TANC1: variants seen among roughly 807,000 people sequenced by gnomAD.
The protein encoded by TANC1 is protein TANC1.
In TANC1, 77 loss-of-function variants were observed where a neutral mutation model predicts 149.7. That is an observed-to-expected ratio of 0.51 (90% CI 0.43 to 0.62). TANC1 has a LOEUF of 0.62. Among genes scored for constraint, TANC1 ranks in the 20% least tolerant of loss-of-function variants. The probability of loss-of-function intolerance (pLI) is 0.00; values close to 1 mark genes in which losing one functional copy is unlikely to be tolerated. For synonymous variants in TANC1, 854 were observed against 925.0 expected (o/e 0.92, Z 1.39); for missense variants, 1,985 against 2,321.8 (o/e 0.85, Z 2.98).
In TANC1 at chr2:159,230,919, C is replaced by A. The variant is rs755779069; in HGVS notation, c.5493C>A (p.Ile1831=). Residue 1831 remains isoleucine, a synonymous_variant, in exon 27 of 27, where the codon ATC becomes ATA. Transcript: ENST00000263635. This position sits in a 1 kb window ranked among gnomAD's most constrained non-coding sequence, Gnocchi z 4.4. ...KTVSHLYQES[I]SKQQPHISNE... ...TTTCTCATCTGTACCAGGAAAGTAT[C>A]TCCAAACAGCAGCCTCATATTAGTA... is the stretch of plus-strand genomic sequence containing the variant. The A allele has an allele frequency of 5.0e-6, 8 of 1,614,194 alleles. No individual in the cohort carries two copies. Among genetic ancestry groups the A allele is most frequent in the Non-Finnish European group, 6.8e-6 (8 of 1,180,028 alleles).
chr2:159,171,090 C>G (rs1009233175), intron 10 of TANC1, among the ~76,000 whole-genome samples: 7 of 152,274 alleles, frequency 4.6e-5, no homozygotes, highest in Middle Eastern at 6.8e-3. Context: ...ATCAAGTGTC[C>G]TGGAGAATTT....
Position 159,215,952 on chromosome 2 carries a change from C to T in TANC1, c.3245-1545C>T, listed in dbSNP as rs545339645. ...TTTGGATTGTTTGCAGCCCGGGGTG[C>T]GGTGAGCATTTTTGCTTGTGTTTCT... On this transcript the variant is annotated intron_variant, in intron 19 of 26. Transcript: ENST00000263635. Among the ~76,000 whole-genome samples the T allele has an allele frequency of 1.8e-4, 28 of 152,236 alleles. 1 individual carries two copies. The highest frequency in any genetic ancestry group is 1.6e-3 in the Admixed American group (24 of 15,298).
chr2:159,126,159 A>G (rs1043064226), intron 4 of TANC1, among the ~76,000 whole-genome samples: 4 of 152,140 alleles, frequency 2.6e-5, no homozygotes, highest in Non-Finnish European at 5.9e-5. Context: ...GAGTCCCTAC[A>G]TGGTCGTACC....
intron 16 of TANC1, among the ~76,000 whole-genome samples, chr2:159,188,887 C>G (rs895402669): frequency 1.3e-5 from 2 of 152,206 alleles, no homozygotes; most frequent in Non-Finnish European, 2.9e-5. Context: ...TGATCATGGT[C>G]GGAAAATTTC....
intron 3 of TANC1, among the ~76,000 whole-genome samples, chr2:159,073,922 G>A: frequency 6.6e-6 from 1 of 152,202 alleles, no homozygotes; most frequent in Non-Finnish European, 1.5e-5. Flanking sequence ...CGTGGCTGGT[G>A]ATCCAAACTG....
intron 2 of TANC1, among the ~76,000 whole-genome samples, chr2:159,024,666 G>T (rs555783106): frequency 6.6e-6 from 1 of 151,624 alleles, no homozygotes; most frequent in African/African-American, 2.4e-5. Context: ...CAGGAGAATC[G>T]CTTGAATCCG....
intron 19 of TANC1, among the ~76,000 whole-genome samples, chr2:159,215,194 C>T (rs2059266202): frequency 6.6e-6 from 1 of 152,152 alleles, no homozygotes. Flanking sequence ...GCCTGCTGCC[C>T]ACGCTTACTC....
chr2:159,222,058 C>T (rs1054979749), intron 22 of TANC1, among the ~76,000 whole-genome samples: 2 of 152,160 alleles, frequency 1.3e-5, no homozygotes, highest in African/African-American at 4.8e-5. Flanking sequence ...TAGAAGGCAG[C>T]GCTGTCAGAG....
At chr2:159,040,186 T>G (rs544192842) in intron 2 of TANC1, among the ~76,000 whole-genome samples, 19 of 152,306 alleles carry the variant, frequency 1.2e-4, no homozygotes, top group African/African-American at 4.6e-4. Flanking sequence ...CTGCTTTTTT[T>G]TGCTTTCCAT....
intron 1 of TANC1, among the ~76,000 whole-genome samples, chr2:158,995,334 C>T (rs2149298957): frequency 6.6e-6 from 1 of 152,220 alleles, no homozygotes; most frequent in Non-Finnish European, 1.5e-5. Context: ...GGATGGTTAC[C>T]ATGTGTTTGT....
intron 2 of TANC1, among the ~76,000 whole-genome samples, chr2:159,024,559 T>C (rs1339342359): frequency 6.6e-6 from 1 of 152,030 alleles, no homozygotes; most frequent in East Asian, 1.9e-4. Flanking sequence ...AACACCAGCC[T>C]GGCCAATATG....
At chr2:159,126,268 T>G (rs2049444714) in intron 4 of TANC1, among the ~76,000 whole-genome samples, 1 of 152,196 alleles carries the variant, frequency 6.6e-6, no homozygotes, top group African/African-American at 2.4e-5. Flanking sequence ...CCTGCCATTT[T>G]ACATCAGGGA....
intron 2 of TANC1, chr2:159,004,156 A>G: frequency 1.2e-6 from 2 of 1,612,518 alleles, no homozygotes; most frequent in Non-Finnish European, 1.7e-6. Flanking sequence ...ATATTAAGTC[A>G]GCTTGGTGCT....
chr2:159,038,608 T>A (rs2040389021), intron 2 of TANC1, among the ~76,000 whole-genome samples: 1 of 152,196 alleles, frequency 6.6e-6, no homozygotes, highest in Non-Finnish European at 1.5e-5. Context: ...ATTGAGATAA[T>A]CATGTGGTTT....
intron 2 of TANC1, among the ~76,000 whole-genome samples, chr2:159,059,522 T>TATAA (rs1553532724): frequency 2.0e-5 from 3 of 147,548 alleles, no homozygotes; most frequent in Admixed American, 1.4e-4. Context: ...ACCAAATATA[T>TATAA]AAAAAAAAAA....
intron 4 of TANC1, among the ~76,000 whole-genome samples, chr2:159,119,345 T>C (rs1055380111): frequency 6.6e-5 from 10 of 152,016 alleles, no homozygotes; most frequent in African/African-American, 2.2e-4. Flanking sequence ...CCAGTGGAGG[T>C]GGGGGAGTTG....
chr2:159,004,224 A>G (rs1293157755), intron 2 of TANC1: 8 of 1,612,464 alleles, frequency 5.0e-6, no homozygotes, highest in East Asian at 4.5e-5. Context: ...AGTCTTGGAC[A>G]GTAAAGCACC....
chr2:159,015,035 A>G (rs2038126549), intron 2 of TANC1, among the ~76,000 whole-genome samples: 2 of 152,152 alleles, frequency 1.3e-5, no homozygotes, highest in East Asian at 3.9e-4. Flanking sequence ...CAGCTCTACT[A>G]GGTGGTGCCC....
chr2:159,155,752 T>C (rs957662823), intron 7 of TANC1, among the ~76,000 whole-genome samples: 4 of 152,240 alleles, frequency 2.6e-5, no homozygotes, highest in African/African-American at 9.6e-5. Context: ...CAGGTATGCA[T>C]TTAGACAGGG....
Sources: allele counts gnomAD v4.1 joint callset (sites outside exome capture counted in the v4.1 genomes callset), GRCh38; gene constraint gnomAD v4.1.1; non-coding constraint Gnocchi (gnomAD v3.1); transcripts MANE v1.5; gene names NCBI Gene and HGNC (gene_info 2026-07-23, HGNC 2026-07-21).